Variants in MTCL1 observed in about 807,000 individuals in gnomAD.
The protein encoded by MTCL1 is microtubule crosslinking factor 1.
MTCL1 carries 79 observed loss-of-function variants against 141.4 expected under a neutral mutation model. The ratio of observed to expected loss-of-function variants is 0.56; its 90% CI spans 0.47 to 0.67. The LOEUF (loss-of-function observed/expected upper bound fraction) is 0.67, where lower values mean the gene tolerates loss of function less well. MTCL1 is among the 30% of genes least tolerant of loss of function. The pLI, the probability that MTCL1 is intolerant of heterozygous loss-of-function variation, is 0.00. For missense variants in MTCL1, 2,177 were observed against 2,113.9 expected, an observed-to-expected ratio of 1.03 and a Z score of -0.59; for synonymous variants, 914 against 875.8, an observed-to-expected ratio of 1.04 and a Z score of -0.77.
chr18:8,806,853 C>T, intron 10 of MTCL1, 40 bp from the exon 10 acceptor site: 1 of 1,602,746 alleles, frequency 6.2e-7, no homozygotes, highest in African/African-American at 1.3e-5. Flanking sequence ...AAAAAATACG[C>T]TTAAAGGAGG....
Position 8,798,142 on chromosome 18 carries a change from C to T in MTCL1, c.2287C>T (p.Gln763Ter). The T allele has an allele frequency of 6.3e-7, 1 of 1,594,824 alleles. No individual in the cohort carries two copies. Among genetic ancestry groups the T allele is most frequent in the Non-Finnish European group, 8.5e-7 (1 of 1,171,814 alleles). The change falls in exon 10 of 17, where the codon CAG becomes TAG. Residue 763 changes from glutamine (Q) to a stop codon, truncating the protein, a stop_gained. Coordinates refer to ENST00000359865, the Ensembl canonical transcript of MTCL1. LOFTEE classifies it high-confidence loss of function. ...CTCCAGGCTCGGGGAGCTTGGAGTC[C>T]AGGGGGGTCACCAGGCGGATGGCCC...
intron 11 of MTCL1, among the ~76,000 whole-genome samples, chr18:8,807,520 C>A (rs2076341050): frequency 6.6e-6 from 1 of 152,182 alleles, no homozygotes; most frequent in Non-Finnish European, 1.5e-5. Flanking sequence ...AATTCTAATA[C>A]ATTTCAGTCT....
chr18:8,812,803 G>A, intron 11 of MTCL1, 176 bp from the exon 11 acceptor site: 1 of 735,754 alleles, frequency 1.4e-6, no homozygotes, highest in Admixed American at 3.1e-5. Context: ...CATTCTTTGT[G>A]ACTGTGTCAA....
rs781076195 is a variant in MTCL1 at position 8,822,481 on chromosome 18, G to A, written c.3188+983G>A. Among the ~76,000 whole-genome samples the A allele has an allele frequency of 5.3e-5, 8 of 152,118 alleles. No homozygotes were observed. The highest frequency in any genetic ancestry group is 8.8e-5 in the Non-Finnish European group (6 of 68,030). On this transcript the variant is annotated intron_variant, in intron 14 of 16. Transcript: ENST00000359865. This position sits in a 1 kb window ranked among gnomAD's most constrained non-coding sequence, Gnocchi z 4.6. ...TAATTTTTGTCTTTTAATAGAAACA[G>A]AGTTTCGCCATGTTGGCCAGGCTGG...
At chr18:8,809,540 C>G (rs1385332924) in intron 11 of MTCL1, 1 of 1,536,046 alleles carries the variant, frequency 6.5e-7, no homozygotes, top group Non-Finnish European at 8.7e-7. Flanking sequence ...CGTTGAAGAG[C>G]CTTGGGTTGC....
At chr18:8,718,497 T>C in exon 3 of MTCL1, 1 of 1,614,200 alleles carries the variant, frequency 6.2e-7, no homozygotes, top group Non-Finnish European at 8.5e-7. Context: ...GTTTACCAGC[T>C]GCAGGAACTT....
At chr18:8,824,611 C>A in intron 14 of MTCL1, 88 bp from the exon 14 acceptor site, 2 of 1,193,958 alleles carry the variant, frequency 1.7e-6, no homozygotes, top group Non-Finnish European at 2.3e-6. Flanking sequence ...CCTTCACTGA[C>A]ACTTCTCATG....
At chr18:8,738,433 G>A (rs1486483751) in intron 4 of MTCL1, among the ~76,000 whole-genome samples, 1 of 152,182 alleles carries the variant, frequency 6.6e-6, no homozygotes, top group East Asian at 1.9e-4. Flanking sequence ...GTGAAGCCCT[G>A]TGGGTTTATA....
intron 11 of MTCL1, chr18:8,811,100 T>G (rs2076468127): frequency 6.6e-6 from 1 of 152,240 alleles, no homozygotes; most frequent in African/African-American, 2.4e-5. Context: ...CTGGGTGATT[T>G]ATTTAACAAC....
intron 10 of MTCL1, chr18:8,802,416 G>A (rs1423496227): frequency 6.6e-6 from 1 of 152,224 alleles, no homozygotes; most frequent in Non-Finnish European, 1.5e-5. Context: ...AAGCAAAGTA[G>A]TCGGTGGTGG....
At chr18:8,718,716 C>G in intron 3 of MTCL1, 68 bp downstream of exon 2, 2 of 1,457,246 alleles carry the variant, frequency 1.4e-6, no homozygotes, top group South Asian at 1.1e-5. Flanking sequence ...TGCACGTTGC[C>G]CTGGTGTTTT....
chr18:8,805,390 A>C (rs1017803395), intron 10 of MTCL1, among the ~76,000 whole-genome samples: 2 of 152,234 alleles, frequency 1.3e-5, no homozygotes, highest in African/African-American at 2.4e-5. Flanking sequence ...TAACTTGCTT[A>C]GGATAATGGC....
chr18:8,724,861 C>T (rs1256120593), intron 4 of MTCL1, among the ~76,000 whole-genome samples: 1 of 152,048 alleles, frequency 6.6e-6, no homozygotes, highest in Non-Finnish European at 1.5e-5. Flanking sequence ...TATCCCTTCC[C>T]ACTAGCCAGC....
chr18:8,790,210 A>T (rs2075672516), intron 7 of MTCL1, among the ~76,000 whole-genome samples: 1 of 152,258 alleles, frequency 6.6e-6, no homozygotes, highest in Admixed American at 6.5e-5. Context: ...ACACTGAAGT[A>T]TGAGCTTCAT....
intron 4 of MTCL1, among the ~76,000 whole-genome samples, chr18:8,727,956 G>A (rs561076110): frequency 1.5e-4 from 22 of 148,096 alleles, no homozygotes; most frequent in African/African-American, 5.0e-4. Context: ...TCTTAGTTGG[G>A]AAGTTATACA....
chr18:8,813,274 T>C, intron 12 of MTCL1, 41 bp downstream of exon 11: 1 of 1,585,906 alleles, frequency 6.3e-7, no homozygotes, highest in Non-Finnish European at 8.6e-7. Flanking sequence ...AGGCACAGAG[T>C]GTAGACTGCT....
At chr18:8,775,199 A>T (rs930116719) in intron 4 of MTCL1, among the ~76,000 whole-genome samples, 3 of 152,170 alleles carry the variant, frequency 2.0e-5, no homozygotes, top group African/African-American at 7.2e-5. Context: ...ACAGCCCTGG[A>T]ATTAAGTCCC....
At chr18:8,825,951 C>G in exon 15 of MTCL1, 1 of 1,599,864 alleles carries the variant, frequency 6.3e-7, no homozygotes, top group South Asian at 1.1e-5. Context: ...AGAGCTGGGC[C>G]CAGGCCAGGA....
Position 8,813,249 on chromosome 18 carries a change from G to C in MTCL1, c.2859+16G>C. ...GATAGAGCAGGTAAGGAGGCACCCCGGGGCCCTGGAGCATAGGCACAGAGT... is the reference window on the plus strand; with the variant it reads ...GATAGAGCAGGTAAGGAGGCACCCCCGGGCCCTGGAGCATAGGCACAGAGT... On this transcript the variant is annotated intron_variant, in intron 12 of 16. Transcript: ENST00000359865. The C allele has an allele frequency of 1.9e-6, 3 of 1,607,306 alleles. No homozygotes were observed. Among genetic ancestry groups the C allele is most frequent in the Non-Finnish European group, 2.5e-6 (3 of 1,176,894 alleles).
Sources: allele counts gnomAD v4.1 joint callset (sites outside exome capture counted in the v4.1 genomes callset), GRCh38; gene constraint gnomAD v4.1.1; non-coding constraint Gnocchi (gnomAD v3.1); transcripts MANE v1.5; gene names NCBI Gene and HGNC (gene_info 2026-07-23, HGNC 2026-07-21).